KCNT2: variants seen among roughly 807,000 people sequenced by gnomAD.
KCNT2 encodes the protein potassium sodium-activated channel subfamily T member 2.
KCNT2 carries 67 observed loss-of-function variants against 153.8 expected under a neutral mutation model. That is an observed-to-expected ratio of 0.44 (90% CI 0.36 to 0.53). KCNT2 has a LOEUF of 0.53. KCNT2 is among the 20% of genes least tolerant of loss of function. KCNT2 has a pLI of 0.00. For missense variants in KCNT2, 975 were observed against 1,354.8 expected, an observed-to-expected ratio of 0.72 and a Z score of 4.40; for synonymous variants, 500 against 458.8, an observed-to-expected ratio of 1.09 and a Z score of -1.15.
chr1:196,525,243 T>G (rs538897525), intron 1 of KCNT2, among the ~76,000 whole-genome samples: 3 of 152,160 alleles, frequency 2.0e-5, no homozygotes, highest in Admixed American at 6.5e-5. Flanking sequence ...AAAAATCAGT[T>G]GTCTGCACAG....
chr1:196,565,054 T>C (rs1659918391), intron 1 of KCNT2, among the ~76,000 whole-genome samples: 1 of 150,076 alleles, frequency 6.7e-6, no homozygotes, highest in South Asian at 2.1e-4. Flanking sequence ...AGAAAATATT[T>C]GCAAACCATA....
At chr1:196,555,574 G>C (rs571352764) in intron 1 of KCNT2, among the ~76,000 whole-genome samples, 1 of 150,902 alleles carries the variant, frequency 6.6e-6, no homozygotes, top group Admixed American at 6.6e-5. Context: ...ATGTCCATAC[G>C]ACCCAAAGCA....
At chr1:196,319,846 C>CAAGAAATCTTATAAATAAATTAT in intron 19 of KCNT2, among the ~76,000 whole-genome samples, 1 of 151,476 alleles carries the variant, frequency 6.6e-6, no homozygotes. Flanking sequence ...TAATTATGAC[C>CAAGAAATCTTATAAATAAATTAT]AAGAAATCTT....
intron 16 of KCNT2, among the ~76,000 whole-genome samples, chr1:196,336,778 C>G (rs951598856): frequency 1.3e-5 from 2 of 152,166 alleles, no homozygotes; most frequent in Non-Finnish European, 2.9e-5. Context: ...TGGCTTTCAG[C>G]CATGACCTAT....
At chr1:196,555,727 C>A (rs1166165006) in intron 1 of KCNT2, among the ~76,000 whole-genome samples, 2 of 151,286 alleles carry the variant, frequency 1.3e-5, no homozygotes, top group Non-Finnish European at 3.0e-5. Flanking sequence ...CTGAAAGAAT[C>A]ACATGACCTG....
chr1:196,461,740 C>G (rs1677170440), intron 8 of KCNT2, among the ~76,000 whole-genome samples: 1 of 151,640 alleles, frequency 6.6e-6, no homozygotes, highest in Admixed American at 6.6e-5. Context: ...AATATGTGGA[C>G]AGATTAGTCC....
At chr1:196,520,802 A>G (rs746583545) in intron 1 of KCNT2, among the ~76,000 whole-genome samples, 1 of 152,190 alleles carries the variant, frequency 6.6e-6, no homozygotes, top group Non-Finnish European at 1.5e-5. Flanking sequence ...TCAACTCAAG[A>G]TGGATCAAAG....
At chr1:196,500,224 C>T (rs551851216) in intron 1 of KCNT2, among the ~76,000 whole-genome samples, 14 of 80,224 alleles carry the variant, frequency 1.7e-4, no homozygotes, top group Admixed American at 3.1e-4. Context: ...GAGAGAGAGA[C>T]GGAGAGAGAG....
At chr1:196,434,694 T>C (rs968511969) in intron 8 of KCNT2, among the ~76,000 whole-genome samples, 5 of 152,028 alleles carry the variant, frequency 3.3e-5, no homozygotes, top group Admixed American at 2.6e-4. Context: ...ATGAAGTCTA[T>C]GTCTTCAGGT....
chr1:196,241,546 T>G (rs954208168), intron 26 of KCNT2, among the ~76,000 whole-genome samples: 3 of 152,066 alleles, frequency 2.0e-5, no homozygotes, highest in African/African-American at 7.2e-5. Context: ...GACCTCTATT[T>G]AAAATTATTT....
intron 1 of KCNT2, among the ~76,000 whole-genome samples, chr1:196,541,364 C>T (rs772747470): frequency 1.3e-5 from 2 of 151,750 alleles, no homozygotes; most frequent in Non-Finnish European, 2.9e-5. Context: ...CTAATCCTGC[C>T]CATTGCCTCT....
At chr1:196,595,634 A>G (rs980642010) in intron 1 of KCNT2, among the ~76,000 whole-genome samples, 1 of 152,184 alleles carries the variant, frequency 6.6e-6, no homozygotes, top group African/African-American at 2.4e-5. Context: ...TGCTACGTAA[A>G]TAATTGTAAT....
At chr1:196,522,716 A>G (rs1047297995) in intron 1 of KCNT2, among the ~76,000 whole-genome samples, 3 of 152,156 alleles carry the variant, frequency 2.0e-5, no homozygotes, top group African/African-American at 7.2e-5. Flanking sequence ...AGCACTCTGT[A>G]AAAACGCAGC....
At chr1:196,475,608 CAA>C (rs568021216) in intron 5 of KCNT2, among the ~76,000 whole-genome samples, 1 of 140,816 alleles carries the variant, frequency 7.1e-6, no homozygotes, top group Admixed American at 7.1e-5. Context: ...AACCTTGTCT[CAA>C]AAAAAAAAAA....
At chr1:196,502,193 T>C (rs1262611039) in intron 1 of KCNT2, among the ~76,000 whole-genome samples, 1 of 152,192 alleles carries the variant, frequency 6.6e-6, no homozygotes, top group Non-Finnish European at 1.5e-5. Flanking sequence ...ACCTCTACTC[T>C]ATGTACACAG....
chr1:196,439,514 G>A (rs950268599), intron 8 of KCNT2, among the ~76,000 whole-genome samples: 3 of 151,874 alleles, frequency 2.0e-5, no homozygotes, highest in African/African-American at 7.3e-5. Context: ...GTTTTATGTG[G>A]TTTTCAACAA....
chr1:196,298,329 C>A (rs1660866611), intron 22 of KCNT2, among the ~76,000 whole-genome samples: 1 of 152,118 alleles, frequency 6.6e-6, no homozygotes, highest in African/African-American at 2.4e-5. Context: ...GTATTCCTGC[C>A]CAGCCAGCTA....
At chr1:196,238,324 A>AT (rs911052843) in intron 26 of KCNT2, among the ~76,000 whole-genome samples, 21 of 151,768 alleles carry the variant, frequency 1.4e-4, no homozygotes, top group African/African-American at 4.3e-4. Flanking sequence ...TTGTGCCAAT[A>AT]TTTTTTTTCT....
In KCNT2 at chr1:196,425,889, C is replaced by A. The variant is rs1673614713; in HGVS notation, c.1084G>T (p.Gly362Cys). ...AGGTCTTGATCTTTAAGGGCTGAACCTTGAAGGTAGATAACTCGTTGGGAC... is the reference window on the plus strand; with the variant it reads ...AGGTCTTGATCTTTAAGGGCTGAACATTGAAGGTAGATAACTCGTTGGGAC... ...MWSQRVIYLQ[G>C]SALKDQDLLR... The change falls in exon 11 of 28, where the codon GGT becomes TGT. Residue 362 changes from glycine to cysteine, a missense_variant. Physicochemically the swap from Gly to Cys is radical, Grantham distance 159 (BLOSUM62 -3). Around this residue, in one of 6 missense-constraint regions of KCNT2, gnomAD observed 202 missense variants for 314.9 expected, o/e 0.64. Transcript: ENST00000294725. 1.2e-6 allele frequency: 2 copies of A among 1,612,534 alleles called. No homozygotes were observed. The highest frequency in any genetic ancestry group is 1.7e-6 in the Non-Finnish European group (2 of 1,179,026).
Sources: allele counts gnomAD v4.1 joint callset (sites outside exome capture counted in the v4.1 genomes callset), GRCh38; gene constraint gnomAD v4.1.1; regional missense constraint gnomAD v4.1.1; transcripts MANE v1.5; gene names NCBI Gene and HGNC (gene_info 2026-07-23, HGNC 2026-07-21).